Variants in MME observed in about 807,000 individuals in gnomAD.
The protein encoded by MME is neprilysin.
A neutral mutation model predicts 113.2 loss-of-function variants in MME; 98 were observed. That is an observed-to-expected ratio of 0.87 (90% CI 0.74 to 1.02). MME has a LOEUF of 1.02. Among genes scored for constraint, MME ranks in the 50% least tolerant of loss-of-function variants. The pLI is 0.00. For missense variants in MME, 836 were observed against 896.0 expected (o/e 0.93, Z 0.86); for synonymous variants, 292 against 300.6 (o/e 0.97, Z 0.30).
chr3:155,030,674 G>A (rs1249746539), intron 1 of MME, among the ~76,000 whole-genome samples: 1 of 152,108 alleles, frequency 6.6e-6, no homozygotes, highest in East Asian at 1.9e-4. Flanking sequence ...CTCCAAAGAG[G>A]TGCCAAGCAA....
chr3:155,042,464 AAGAT>A (rs1286253886), intron 1 of MME, among the ~76,000 whole-genome samples: 3 of 152,194 alleles, frequency 2.0e-5, no homozygotes, highest in South Asian at 2.1e-4. Flanking sequence ...GAGTAGAAGA[AAGAT>A]AGGCACACGC....
intron 18 of MME, among the ~76,000 whole-genome samples, chr3:155,167,455 G>A (rs183391192): frequency 6.4e-4 from 94 of 147,606 alleles, no homozygotes; most frequent in African/African-American, 2.1e-3. Flanking sequence ...TTTTTTTTTC[G>A]TCTTGTACCT....
rs73168189 is a variant in MME, at chr3:155,083,756, A to G, written c.-10-402A>G. On this transcript the variant is annotated intron_variant, in intron 1 of 22. Coordinates refer to ENST00000360490, the MANE Select transcript of MME (RefSeq NM_007289.4). ...AAAGGAAGCCACTGGAGCAAGATAT[A>G]AAATTAACCATTGATGTTAGTCCAG... 120 of 200,290 alleles carry G rather than the reference A, an allele frequency of 6.0e-4. 2 individuals carry two copies. In the Middle Eastern group the frequency reaches 0.022, roughly 36 times the overall value. The allele number at this position is 200,290 out of a possible 1,614,324, so 12.4% of individuals were successfully genotyped here.
intron 1 of MME, among the ~76,000 whole-genome samples, chr3:155,042,488 C>T (rs1559889818): frequency 6.6e-6 from 1 of 152,126 alleles, no homozygotes; most frequent in African/African-American, 2.4e-5. Context: ...CATGTACACA[C>T]ATGTTTATAC....
At chr3:155,046,361 A>C (rs1315552705) in intron 1 of MME, among the ~76,000 whole-genome samples, 2 of 152,176 alleles carry the variant, frequency 1.3e-5, no homozygotes, top group African/African-American at 4.8e-5. Context: ...TGCATATATG[A>C]GGGTGGCCCA....
At chr3:155,170,155 C>T (rs1055887689) in intron 20 of MME, among the ~76,000 whole-genome samples, 1 of 152,192 alleles carries the variant, frequency 6.6e-6, no homozygotes, top group Non-Finnish European at 1.5e-5. Context: ...AAGCAATTCT[C>T]CTGCCTCAGC....
chr3:155,052,591 G>A (rs1182044541), intron 1 of MME, among the ~76,000 whole-genome samples: 2 of 152,232 alleles, frequency 1.3e-5, no homozygotes, highest in African/African-American at 4.8e-5. Flanking sequence ...TGAAGTAGCT[G>A]GGATGTGGGG....
At chr3:155,159,726 G>A (rs971821757) in intron 16 of MME, among the ~76,000 whole-genome samples, 1 of 151,692 alleles carries the variant, frequency 6.6e-6, no homozygotes, top group Non-Finnish European at 1.5e-5. Flanking sequence ...AAAATCTCTG[G>A]GTTCTATACA....
rs528242017 is a variant in MME, at chr3:155,028,025, A to G, written c.-11+3701A>G. Among the ~76,000 whole-genome samples the G allele has an allele frequency of 7.2e-5, 11 of 152,298 alleles. No homozygotes were observed. The East Asian group carries it at 1.9e-3, about 27-fold the overall frequency. On this transcript the variant is annotated intron_variant, in intron 1 of 22. Coordinates refer to the MME transcript ENST00000492661. ...TTCATGCATGGGTAAATGTAACCCT[A>G]AAGAGAGAATTCTGCCTTCTTTTTA...
Position 155,132,573 on chromosome 3 carries a change from T to C in MME, c.721-5529T>C, listed in dbSNP as rs185357203. ...AAGCTACATAAATGTTTTGGTGGAT[T>C]CTTCTTCACGTAAACAATCATTGAT... On this transcript the variant is annotated intron_variant, in intron 8 of 22. Transcript: ENST00000360490. Among the ~76,000 whole-genome samples, 330 of 152,198 alleles carry C rather than the reference T, an allele frequency of 2.2e-3. 3 individuals are homozygous for C. Among genetic ancestry groups the C allele is most frequent in the Non-Finnish European group, 3.4e-4 (23 of 68,004 alleles).
At chr3:155,073,225 G>A (rs1251596271) in intron 1 of MME, among the ~76,000 whole-genome samples, 1 of 152,150 alleles carries the variant, frequency 6.6e-6, no homozygotes, top group Non-Finnish European at 1.5e-5. Flanking sequence ...ATAGAGGTCA[G>A]TGGCCCATTT....
In MME at chr3:155,166,924, G is replaced by A; in HGVS notation, c.1683G>A (p.Gln561=). ...TAGTCTTCCCAGCCGGCATTCTGCA[G>A]CCCCCCTTCTTTAGTGCCCAGCAGT... is the stretch of plus-strand genomic sequence containing the variant. ...NQIVFPAGIL[Q]PPFFSAQQSN... The change falls in exon 18 of 23, where the codon CAG becomes CAA. Residue 561 remains glutamine, a synonymous_variant. Coordinates refer to ENST00000360490, the MANE Select transcript of MME (RefSeq NM_007289.4). 6.2e-7 allele frequency: 1 copy of A among 1,613,666 alleles called. No homozygotes were observed. The highest frequency in any genetic ancestry group is 1.3e-5 in the African/African-American group (1 of 74,996).
At chr3:155,142,740 A>G (rs1313557799) in intron 12 of MME, among the ~76,000 whole-genome samples, 1 of 152,068 alleles carries the variant, frequency 6.6e-6, no homozygotes, top group Non-Finnish European at 1.5e-5. Context: ...TATTGAAAGT[A>G]CCCCTACCTG....
intron 22 of MME, among the ~76,000 whole-genome samples, chr3:155,179,005 A>C (rs988963623): frequency 5.3e-5 from 8 of 152,182 alleles, no homozygotes; most frequent in Admixed American, 4.6e-4. Context: ...AAATCATTGT[A>C]AATGTGGTAA....
At chr3:155,038,248 C>T (rs1332765658) in intron 1 of MME, among the ~76,000 whole-genome samples, 1 of 152,098 alleles carries the variant, frequency 6.6e-6, no homozygotes, top group Non-Finnish European at 1.5e-5. Flanking sequence ...TTTGGACAAA[C>T]ATATTGAGAG....
intron 1 of MME, among the ~76,000 whole-genome samples, chr3:155,027,141 G>A (rs184719869): frequency 4.3e-4 from 66 of 152,254 alleles, no homozygotes; most frequent in Non-Finnish European, 4.6e-4. Flanking sequence ...GTTTGGCAGT[G>A]CTACCCTGCT....
chr3:155,179,275 G>T (rs936242208), intron 22 of MME, among the ~76,000 whole-genome samples: 1 of 152,124 alleles, frequency 6.6e-6, no homozygotes, highest in Non-Finnish European at 1.5e-5. Flanking sequence ...AATGTACCAC[G>T]AGGAGGCTAG....
At chr3:155,102,064 T>C (rs1419453161) in intron 3 of MME, among the ~76,000 whole-genome samples, 7 of 152,180 alleles carry the variant, frequency 4.6e-5, no homozygotes, top group Non-Finnish European at 1.0e-4. Context: ...TCTAATTATA[T>C]ATTAAAAGTT....
intron 11 of MME, 38 bp downstream of exon 11, chr3:155,142,165 A>T: frequency 1.2e-6 from 2 of 1,613,560 alleles, no homozygotes; most frequent in Non-Finnish European, 1.7e-6. Context: ...CAAAGTTTGC[A>T]TTTCATATCA....
Sources: allele counts gnomAD v4.1 joint callset (sites outside exome capture counted in the v4.1 genomes callset), GRCh38; gene constraint gnomAD v4.1.1; transcripts MANE v1.5; gene names NCBI Gene and HGNC (gene_info 2026-07-23, HGNC 2026-07-21).